Variants in DAB1 observed in about 807,000 individuals in gnomAD.
DAB1 encodes DAB adaptor protein 1, also known as disabled homolog 1.
Under a neutral mutation model 64.6 loss-of-function variants are expected in DAB1, and 15 were observed. The observed-to-expected ratio is 0.23, with a 90% CI of 0.16 to 0.36. The LOEUF (loss-of-function observed/expected upper bound fraction) is 0.36, where lower values mean the gene tolerates loss of function less well. DAB1 is among the 10% of genes least tolerant of loss of function. The pLI, the probability that DAB1 is intolerant of heterozygous loss-of-function variation, is 1.00. For missense variants in DAB1, 596 were observed against 706.7 expected (o/e 0.84, Z 1.78); for synonymous variants, 235 against 251.9 (o/e 0.93, Z 0.64).
At chr1:57,149,249 T>G (rs1569595109) in intron 2 of DAB1, among the ~76,000 whole-genome samples, 1 of 152,224 alleles carries the variant, frequency 6.6e-6, no homozygotes. Context: ...TTGGGTTGTT[T>G]CCATTCTTCA....
intron 7 of DAB1, among the ~76,000 whole-genome samples, chr1:57,496,232 C>G (rs1644228345): frequency 6.6e-6 from 1 of 152,182 alleles, no homozygotes; most frequent in African/African-American, 2.4e-5. Context: ...CCCCACCCTG[C>G]CTCTGCACTC....
intron 14 of DAB1, among the ~76,000 whole-genome samples, chr1:57,007,751 A>T (rs568823786): frequency 6.6e-6 from 1 of 152,268 alleles, no homozygotes; most frequent in East Asian, 1.9e-4. Flanking sequence ...GAGAGACAGG[A>T]CTCTTGCTTT....
intron 7 of DAB1, among the ~76,000 whole-genome samples, chr1:57,483,562 G>C (rs533314368): frequency 6.6e-6 from 1 of 152,264 alleles, no homozygotes; most frequent in South Asian, 2.1e-4. Context: ...TCAGGAGCAT[G>C]AGAACAGACT....
At chr1:57,117,201 G>A (rs1284068051) in intron 4 of DAB1, among the ~76,000 whole-genome samples, 1 of 152,158 alleles carries the variant, frequency 6.6e-6, no homozygotes, top group Non-Finnish European at 1.5e-5. Flanking sequence ...ATGGGAAAAT[G>A]TACTGCATAT....
chr1:58,154,898 A>G (rs1335544427), intron 4 of DAB1, among the ~76,000 whole-genome samples: 1 of 152,228 alleles, frequency 6.6e-6, no homozygotes, highest in Admixed American at 6.5e-5. Flanking sequence ...TGAGAGATTA[A>G]AAGGAATTCT....
chr1:57,958,010 A>C (rs1645432233), intron 5 of DAB1, among the ~76,000 whole-genome samples: 1 of 150,616 alleles, frequency 6.6e-6, no homozygotes, highest in Admixed American at 6.6e-5. Context: ...TTTTAGGCGG[A>C]GTCTAACTTT....
chr1:58,539,795 C>T (rs1045668875), intron 1 of DAB1, among the ~76,000 whole-genome samples: 5 of 152,132 alleles, frequency 3.3e-5, no homozygotes, highest in African/African-American at 1.2e-4. Flanking sequence ...CTGGAGAGTG[C>T]TTCCAGGCCA....
chr1:57,839,892 G>T (rs1652973842), intron 1 of DAB1, among the ~76,000 whole-genome samples: 1 of 152,194 alleles, frequency 6.6e-6, no homozygotes, highest in African/African-American at 2.4e-5. Context: ...AAGGGGACTT[G>T]GGTGTCATTG....
intron 2 of DAB1, among the ~76,000 whole-genome samples, chr1:57,175,798 G>A (rs1328947579): frequency 6.6e-6 from 1 of 152,144 alleles, no homozygotes; most frequent in African/African-American, 2.4e-5. Context: ...ACCAGGTACT[G>A]GGCGCTTTGC....
At position 58,403,161 on chromosome 1, in the gene DAB1, A is replaced by C. The variant is rs578127471; in HGVS notation, n.258-59758T>G. On this transcript the variant is annotated intron_variant and non_coding_transcript_variant, in intron 3 of 20. Coordinates refer to the DAB1 transcript ENST00000485760. ...TTAGAATTCCTGCTGCCAATGTCCAAAGACTGTCCCTGATCCTTGCCCATA... is the reference window on the plus strand; with the variant it reads ...TTAGAATTCCTGCTGCCAATGTCCACAGACTGTCCCTGATCCTTGCCCATA... Among the ~76,000 whole-genome samples, 7 of 152,304 alleles carry C rather than the reference A, an allele frequency of 4.6e-5. No homozygotes were observed. The East Asian group carries it at 1.3e-3, about 29-fold the overall frequency.
chr1:57,228,618 T>A (rs1035369789), intron 2 of DAB1, among the ~76,000 whole-genome samples: 41 of 152,202 alleles, frequency 2.7e-4, no homozygotes, highest in Admixed American at 1.8e-3. Flanking sequence ...GAAACACTCA[T>A]ACCCTGCTGG....
intron 4 of DAB1, among the ~76,000 whole-genome samples, chr1:58,260,408 G>A (rs983122272): frequency 3.3e-5 from 5 of 152,236 alleles, no homozygotes; most frequent in Middle Eastern, 3.4e-3. Flanking sequence ...GAGAGGCCTC[G>A]GCTGGGCCCT....
intron 7 of DAB1, among the ~76,000 whole-genome samples, chr1:57,461,424 G>A (rs1686775207): frequency 6.6e-6 from 1 of 152,128 alleles, no homozygotes; most frequent in South Asian, 2.1e-4. Context: ...GAAACTGAAA[G>A]CAATCCTCAG....
Position 57,007,612 on chromosome 1 carries a change from C to T in DAB1, c.*15+3068G>A, listed in dbSNP as rs115927950. On this transcript the variant is annotated intron_variant, in intron 14 of 14. Transcript: ENST00000371236. ...AAGCTTCCACCTGTGGGGATTGAGT[C>T]CGTCTGTTTCCTCTTACTATGGTGT... is the stretch of plus-strand genomic sequence containing the variant. Among the ~76,000 whole-genome samples, 1,358 of 152,278 alleles carry T rather than the reference C, an allele frequency of 8.9e-3. 12 individuals are homozygous for T. Among genetic ancestry groups the T allele is most frequent in the Non-Finnish European group, 0.012 (800 of 68,024 alleles).
chr1:57,709,827 C>T (rs1001726311), intron 6 of DAB1, among the ~76,000 whole-genome samples: 1 of 152,072 alleles, frequency 6.6e-6, no homozygotes, highest in Non-Finnish European at 1.5e-5. Context: ...TTGCTTGTTC[C>T]TTATTGTACA....
chr1:57,834,028 A>C (rs529184174), intron 1 of DAB1, among the ~76,000 whole-genome samples: 1 of 152,334 alleles, frequency 6.6e-6, no homozygotes, highest in African/African-American at 2.4e-5. Context: ...CATCCTATTA[A>C]CCTATTTAAA....
chr1:58,431,941 G>A lies in DAB1; in HGVS notation n.257+74119C>T, dbSNP rs561826892. On this transcript the variant is annotated intron_variant and non_coding_transcript_variant, in intron 3 of 20. Coordinates refer to the DAB1 transcript ENST00000485760. Reference sequence around the variant, plus strand: ...AGGAGGATTTGACATGTGGGACTACGGGCCAGTGGCCTGAGGATGGGTGTG... The same window carrying A: ...AGGAGGATTTGACATGTGGGACTACAGGCCAGTGGCCTGAGGATGGGTGTG... Among the ~76,000 whole-genome samples the A allele has an allele frequency of 2.0e-4, 30 of 152,294 alleles. No homozygotes were observed. The South Asian group carries it at 3.5e-3, about 18-fold the overall frequency.
intron 4 of DAB1, among the ~76,000 whole-genome samples, chr1:58,338,866 G>A (rs1228088372): frequency 6.6e-6 from 1 of 152,156 alleles, no homozygotes; most frequent in East Asian, 1.9e-4. Context: ...TAACATAGAT[G>A]AGCCTTGAAC....
chr1:57,954,322 T>A (rs1359312157), intron 5 of DAB1, among the ~76,000 whole-genome samples: 1 of 152,136 alleles, frequency 6.6e-6, no homozygotes, highest in Non-Finnish European at 1.5e-5. Flanking sequence ...AGAATGGGCA[T>A]GTGACCCAAG....
Sources: allele counts gnomAD v4.1 joint callset (sites outside exome capture counted in the v4.1 genomes callset), GRCh38; gene constraint gnomAD v4.1.1; transcripts MANE v1.5; gene names NCBI Gene and HGNC (gene_info 2026-07-23, HGNC 2026-07-21).